CSMD2: variants seen among roughly 807,000 people sequenced by gnomAD.
The protein encoded by CSMD2 is CUB and Sushi multiple domains 2.
Under a neutral mutation model 398.5 loss-of-function variants are expected in CSMD2, and 130 were observed. That is an observed-to-expected ratio of 0.33 (90% CI 0.28 to 0.38). The LOEUF is 0.38. Among genes scored for constraint, CSMD2 ranks in the 10% least tolerant of loss-of-function variants. CSMD2 has a pLI of 1.00. For synonymous variants in CSMD2, 1,828 were observed against 1,908.5 expected (o/e 0.96, Z 1.10); for missense variants, 3,829 against 4,764.9 (o/e 0.80, Z 5.78).
chr1:33,990,518 C>T (rs80228635), intron 3 of CSMD2, among the ~76,000 whole-genome samples: 1,556 of 152,196 alleles, frequency 0.01, 19 homozygotes, highest in African/African-American at 0.029. Flanking sequence ...GTGGAAAGCC[C>T]GGTTCTGATA....
chr1:33,852,199 C>T (rs1558004384), intron 5 of CSMD2, among the ~76,000 whole-genome samples: 1 of 152,162 alleles, frequency 6.6e-6, no homozygotes, highest in Non-Finnish European at 1.5e-5. Context: ...AAGTCTTCTC[C>T]ATTTCATGTC....
intron 37 of CSMD2, 131 bp downstream of exon 37, chr1:33,622,036 A>C (rs1249230056): frequency 1.4e-6 from 1 of 717,248 alleles, no homozygotes; most frequent in Non-Finnish European, 2.5e-6. Context: ...TAGCATCTTC[A>C]CCTAGGTTTG....
chr1:33,793,347 T>C (rs1436293102), intron 10 of CSMD2, among the ~76,000 whole-genome samples: 1 of 152,012 alleles, frequency 6.6e-6, no homozygotes, highest in Non-Finnish European at 1.5e-5. Flanking sequence ...GGGGATGCTC[T>C]GGGAAGGAGT....
chr1:33,633,389 C>T lies in CSMD2; in HGVS notation c.5200+33G>A. ...AGCCGGACGTGATGCCCCCGGCCCA[C>T]AACCATCCCCACACTGGCCGAGCCC... is the stretch of plus-strand genomic sequence containing the variant. On this transcript the variant is annotated intron_variant, in intron 32 of 70. Transcript: ENST00000373381. The surrounding 1 kb of genome is among the most constrained non-coding windows in gnomAD (Gnocchi z 5.0). 1 of 1,497,516 alleles carries T rather than the reference C, an allele frequency of 6.7e-7. No individual in the cohort carries two copies. The highest frequency in any genetic ancestry group is 9.1e-7 in the Non-Finnish European group (1 of 1,099,192). The allele number at this position is 1,497,516 out of a possible 1,614,324, so 92.8% of individuals were successfully genotyped here. A position where few individuals can be genotyped will look rare whatever the true frequency, so the allele number is the denominator to read the frequency against.
chr1:33,560,696 T>C (rs954141096), intron 53 of CSMD2, among the ~76,000 whole-genome samples: 1 of 152,212 alleles, frequency 6.6e-6, no homozygotes, highest in Non-Finnish European at 1.5e-5. Flanking sequence ...CCTCTCTCCA[T>C]AGCACTGTCA....
At chr1:33,542,015 T>G (rs1293196335) in intron 58 of CSMD2, among the ~76,000 whole-genome samples, 1 of 152,126 alleles carries the variant, frequency 6.6e-6, no homozygotes, top group Non-Finnish European at 1.5e-5. Flanking sequence ...CATCATATCA[T>G]TGAGGGTGGG....
At chr1:33,827,694 C>A (rs1349340970) in intron 6 of CSMD2, among the ~76,000 whole-genome samples, 1 of 152,264 alleles carries the variant, frequency 6.6e-6, no homozygotes, top group East Asian at 1.9e-4. Flanking sequence ...AGAATCATTT[C>A]ATTTGGTCCT....
At chr1:33,589,681 A>G (rs914036459) in intron 44 of CSMD2, among the ~76,000 whole-genome samples, 5 of 152,188 alleles carry the variant, frequency 3.3e-5, no homozygotes, top group African/African-American at 4.8e-5. Context: ...TGTGCATTGC[A>G]TACTGTACCA....
chr1:33,625,167 GC>G lies in CSMD2; in HGVS notation c.5383del (p.Ala1795ProfsTer88), dbSNP rs1642033031. 1 of 1,607,264 alleles carries G rather than the reference GC, an allele frequency of 6.2e-7. No individual in the cohort carries two copies. Among genetic ancestry groups the G allele is most frequent in the Non-Finnish European group, 8.5e-7 (1 of 1,175,996 alleles). On this transcript the variant is annotated frameshift_variant, in exon 34 of 71. Transcript: ENST00000373381. LOFTEE classifies it high-confidence loss of function. ...GGAGTTGCATTCGAAGCGGACGATG[GC>G]CCCCACCGAGAAGTCACTGCCCAGC... The part of the protein sequence containing the change: ...KRLGSDFSVG[A>X]IVRFECNSGY...
Position 33,788,637 on chromosome 1 carries a change from G to A in CSMD2, c.1626C>T (p.Gly542=). 1 of 1,613,404 alleles carries A rather than the reference G, an allele frequency of 6.2e-7. No individual in the cohort carries two copies. Among genetic ancestry groups the A allele is most frequent in the Non-Finnish European group, 8.5e-7 (1 of 1,179,348 alleles). ...CCTTGAATCCCAGGGAACTGCCACT[G>A]CCATCAGTCTGGAAGAGGAGCCACA... is the stretch of plus-strand genomic sequence containing the variant. The part of the protein sequence containing the change: ...HQMWLLFQTD[G]SGSSLGFKAS... The change falls in exon 12 of 71, where the codon GGC becomes GGT. Residue 542 remains glycine, a synonymous_variant. Coordinates refer to ENST00000373381, the MANE Select transcript of CSMD2 (RefSeq NM_001281956.2).
At chr1:33,570,333 ATTT>A (rs57025243) in intron 51 of CSMD2, among the ~76,000 whole-genome samples, 62,043 of 140,608 alleles carry the variant, frequency 0.44, 13,961 homozygotes, top group Admixed American at 0.61. Context: ...ATGCTGGCTA[ATTT>A]TTTTTTTTTT....
intron 1 of CSMD2, among the ~76,000 whole-genome samples, chr1:34,090,145 C>G (rs910190426): frequency 6.6e-6 from 1 of 152,178 alleles, no homozygotes; most frequent in Admixed American, 6.5e-5. Flanking sequence ...CTCCTCCGGG[C>G]CAGAGCATCT....
chr1:34,061,636 G>A (rs1654519818), intron 2 of CSMD2, among the ~76,000 whole-genome samples: 2 of 152,348 alleles, frequency 1.3e-5, no homozygotes, highest in South Asian at 4.1e-4. Flanking sequence ...CAGAGTTCTT[G>A]TAAGACTTAA....
chr1:34,009,038 C>A (rs1647158151), intron 3 of CSMD2, among the ~76,000 whole-genome samples: 1 of 152,138 alleles, frequency 6.6e-6, no homozygotes, highest in African/African-American at 2.4e-5. Flanking sequence ...ACACAACACA[C>A]AACATACCAC....
intron 9 of CSMD2, among the ~76,000 whole-genome samples, chr1:33,817,114 T>G (rs2358508): frequency 0.69 from 104,970 of 151,586 alleles, 37,810 homozygotes; most frequent in African/African-American, 0.91. Context: ...GAAAACAAAA[T>G]ATTTTAAAAT....
rs138506777 is a variant in CSMD2, at chr1:33,743,470, G to A, written c.1983C>T (p.Asn661=). The A allele has an allele frequency of 1.9e-5, 30 of 1,614,046 alleles. No individual in the cohort carries two copies. Among genetic ancestry groups the A allele is most frequent in the South Asian group, 7.7e-5 (7 of 91,088 alleles). The stretch of plus-strand genomic sequence containing the variant: ...CAAACTGAGGCTCCACGTCAATGTC[G>A]TTGAAGGCCAGGTGGATGCGGCTCT... ...RPESRIHLAF[N]DIDVEPQFDF... The change falls in exon 14 of 71, where the codon AAC becomes AAT. Residue 661 remains asparagine, a synonymous_variant. Coordinates refer to ENST00000373381, the MANE Select transcript of CSMD2 (RefSeq NM_001281956.2).
In CSMD2 at chr1:33,709,241, C is replaced by G; in HGVS notation, c.3424G>C (p.Val1142Leu). The G allele has an allele frequency of 1.2e-6, 2 of 1,613,576 alleles. No individual in the cohort carries two copies. Among genetic ancestry groups the G allele is most frequent in the Non-Finnish European group, 1.7e-6 (2 of 1,179,802 alleles). Reference protein sequence around the residue: ...PRCVAECGNSVTGTQGTLLSP... With the variant: ...PRCVAECGNSLTGTQGTLLSP... ...AGCAAAGTACCCTGAGTGCCTGTGACTGAATTCCCACACTCAGCTGGAAAG... is the reference window on the plus strand; with the variant it reads ...AGCAAAGTACCCTGAGTGCCTGTGAGTGAATTCCCACACTCAGCTGGAAAG... The change falls in exon 22 of 71, where the codon GTC (valine) becomes CTC (leucine). Residue 1142 changes from valine to leucine, a missense_variant. Val to Leu is a conservative substitution (Grantham distance 32, BLOSUM62 1). Coordinates refer to ENST00000373381, the MANE Select transcript of CSMD2 (RefSeq NM_001281956.2).
chr1:33,838,384 C>T (rs1190760186), intron 6 of CSMD2: 2 of 152,212 alleles, frequency 1.3e-5, no homozygotes, highest in Non-Finnish European at 2.9e-5. Flanking sequence ...TAAAAAGTTG[C>T]AGGGGGTGAT....
At chr1:33,745,098 C>A (rs1003952463) in intron 13 of CSMD2, among the ~76,000 whole-genome samples, 1 of 152,180 alleles carries the variant, frequency 6.6e-6, no homozygotes, top group Non-Finnish European at 1.5e-5. Flanking sequence ...TAATGTGATA[C>A]AGTTTGACTG....
Sources: allele counts gnomAD v4.1 joint callset (sites outside exome capture counted in the v4.1 genomes callset), GRCh38; gene constraint gnomAD v4.1.1; non-coding constraint Gnocchi (gnomAD v3.1); transcripts MANE v1.5; gene names NCBI Gene and HGNC (gene_info 2026-07-23, HGNC 2026-07-21).